The following TRAK1 variants were observed in gnomAD, a reference collection of about 807,000 sequenced individuals.
TRAK1 encodes the protein trafficking kinesin-binding protein 1.
A neutral mutation model predicts 92.1 loss-of-function variants in TRAK1; 33 were observed. The observed-to-expected ratio is 0.36, with a 90% CI of 0.27 to 0.48. The LOEUF (loss-of-function observed/expected upper bound fraction) is 0.48. Among genes scored for constraint, TRAK1 ranks in the 20% least tolerant of loss-of-function variants. The pLI, the probability that TRAK1 is intolerant of heterozygous loss-of-function variation, is 0.99. For synonymous variants in TRAK1, 521 were observed against 517.3 expected (o/e 1.01, Z -0.10); for missense variants, 1,123 against 1,257.9 (o/e 0.89, Z 1.62).
At chr3:42,094,776 G>C (rs1705652763) in intron 1 of TRAK1, among the ~76,000 whole-genome samples, 1 of 152,234 alleles carries the variant, frequency 6.6e-6, no homozygotes, top group Admixed American at 6.5e-5. Flanking sequence ...ATATCGAAAT[G>C]TATTACAAGG....
chr3:42,210,805 A>G (rs1367139023), intron 14 of TRAK1: 1 of 985,376 alleles, frequency 1.0e-6, no homozygotes, highest in Non-Finnish European at 1.2e-6. Flanking sequence ...TCCAGAGAGA[A>G]GACCCTAGAT....
At chr3:42,164,969 C>A (rs950081209) in intron 2 of TRAK1, among the ~76,000 whole-genome samples, 10 of 152,028 alleles carry the variant, frequency 6.6e-5, no homozygotes, top group Admixed American at 2.0e-4. Flanking sequence ...TTCCAGTGTT[C>A]TTTTTCTTTT....
Position 42,057,317 on chromosome 3 carries a change from C to T in TRAK1, c.-518-29787C>T, listed in dbSNP as rs568205174. 1.3e-3 allele frequency among the ~76,000 whole-genome samples: 193 copies of T among 152,246 alleles called. 1 individual carries two copies. The highest frequency in any genetic ancestry group is 8.3e-4 in the South Asian group (4 of 4,824). On this transcript the variant is annotated intron_variant, in intron 1 of 16. Transcript: ENST00000487159. ...TCCACAAAGACTGACAGTAGGTTCACGGTCCTGCTTCTTGAATGAAGGAAG... is the reference window on the plus strand; with the variant it reads ...TCCACAAAGACTGACAGTAGGTTCATGGTCCTGCTTCTTGAATGAAGGAAG...
At chr3:42,120,329 T>G (rs1197172027) in intron 1 of TRAK1, among the ~76,000 whole-genome samples, 1 of 152,084 alleles carries the variant, frequency 6.6e-6, no homozygotes, top group African/African-American at 2.4e-5. Context: ...GAGAACACAT[T>G]TTGACTTGTT....
At chr3:42,068,548 C>T (rs983881101) in intron 1 of TRAK1, among the ~76,000 whole-genome samples, 1 of 152,194 alleles carries the variant, frequency 6.6e-6, no homozygotes, top group Non-Finnish European at 1.5e-5. Flanking sequence ...GTTCATTTTG[C>T]ACTCTTTGAG....
upstream of TRAK1, among the ~76,000 whole-genome samples, chr3:42,088,325 G>T (rs570824563): frequency 4.6e-5 from 7 of 152,210 alleles, no homozygotes; most frequent in South Asian, 1.5e-3. Flanking sequence ...GTGCCTAGCT[G>T]CTGTGCTAGG....
intron 1 of TRAK1, among the ~76,000 whole-genome samples, chr3:42,080,833 A>G (rs1704397014): frequency 6.6e-6 from 1 of 152,116 alleles, no homozygotes; most frequent in Non-Finnish European, 1.5e-5. Context: ...AGGTCTCCTG[A>G]TCCTTGAATT....
At chr3:42,023,997 C>T (rs1391392668) in intron 1 of TRAK1, among the ~76,000 whole-genome samples, 1 of 151,984 alleles carries the variant, frequency 6.6e-6, no homozygotes, top group African/African-American at 2.4e-5. Context: ...TCAGGTGATT[C>T]GCCCTCCTTG....
intron 2 of TRAK1, among the ~76,000 whole-genome samples, chr3:42,128,976 A>C (rs1486802993): frequency 6.6e-6 from 1 of 152,214 alleles, no homozygotes; most frequent in Non-Finnish European, 1.5e-5. Flanking sequence ...ATCAGATATC[A>C]CAGCCTTTTT....
intron 1 of TRAK1, among the ~76,000 whole-genome samples, chr3:42,057,995 A>G (rs1328346476): frequency 6.6e-6 from 1 of 152,046 alleles, no homozygotes; most frequent in East Asian, 1.9e-4. Context: ...CTCAAATATC[A>G]TTTCCTCCTT....
At chr3:42,144,277 AAG>A (rs1454848721) in intron 2 of TRAK1, among the ~76,000 whole-genome samples, 1 of 152,118 alleles carries the variant, frequency 6.6e-6, no homozygotes, top group Admixed American at 6.5e-5. Flanking sequence ...TAAAAAAAAA[AAG>A]AAAGATTAGA....
intron 1 of TRAK1, among the ~76,000 whole-genome samples, chr3:42,059,590 A>G (rs1178509493): frequency 1.3e-5 from 2 of 152,172 alleles, no homozygotes; most frequent in East Asian, 1.9e-4. Context: ...TCCTACAAGA[A>G]TATACGTGAC....
upstream of TRAK1, among the ~76,000 whole-genome samples, chr3:42,088,568 C>T (rs115803062): frequency 4.3e-4 from 66 of 152,352 alleles, no homozygotes; most frequent in African/African-American, 1.5e-3. Context: ...GTGTTTCCCG[C>T]AGGCCAGTGT....
In TRAK1 at chr3:42,202,451, T is replaced by C; in HGVS notation, c.1443T>C (p.Ser481=). ...CTTCTTCCAGAAACGATGAGCGGAG[T>C]AAGAAGCCGGGGACGCCGGGCACCC... ...EAADLGNDER[S]KKPGTPGTPG... is the part of the protein sequence containing the mutation. The change falls in exon 13 of 16, where the codon AGT becomes AGC. Residue 481 remains serine (S), a synonymous_variant. Coordinates refer to ENST00000327628, the MANE Select transcript of TRAK1 (RefSeq NM_001042646.3). The surrounding 1 kb of genome is among the most constrained non-coding windows in gnomAD (Gnocchi z 6.1). 6.8e-7 allele frequency: 1 copy of C among 1,478,010 alleles called. No homozygotes were observed. Among genetic ancestry groups the C allele is most frequent in the East Asian group, 2.3e-5 (1 of 42,668 alleles). The allele number at this position is 1,478,010 out of a possible 1,614,324, so 91.6% of individuals were successfully genotyped here.
At chr3:42,218,505 G>A in intron 14 of TRAK1, 2 of 984,768 alleles carry the variant, frequency 2.0e-6, no homozygotes, top group East Asian at 2.3e-4. Flanking sequence ...ATTTCGGGCA[G>A]CATCTTTTTT....
Position 42,223,358 on chromosome 3 carries a change from G to A in TRAK1, c.2483G>A (p.Arg828His), listed in dbSNP as rs867461946. The A allele has an allele frequency of 3.7e-6, 6 of 1,614,098 alleles. No individual in the cohort carries two copies. The highest frequency in any genetic ancestry group is 2.7e-5 in the African/African-American group (2 of 74,954). ...AGGGAAGTGAGAGAAAAGAACGTCC[G>A]CAGCAGCGAGAGCCAGACCGACGTG... The part of the protein sequence containing the change: ...ILREVREKNV[R>H]SSESQTDVSV... The change falls in exon 16 of 16, where the codon CGC becomes CAC. Residue 828 changes from arginine to histidine, a missense_variant. This residue lies in a region of TRAK1 where 401 missense variants were observed against 438.9 expected (regional missense o/e 0.91). Coordinates refer to ENST00000327628, the MANE Select transcript of TRAK1 (RefSeq NM_001042646.3). This position sits in a 1 kb window ranked among gnomAD's most constrained non-coding sequence, Gnocchi z 6.1.
intron 1 of TRAK1, among the ~76,000 whole-genome samples, chr3:42,053,375 T>TGGGGGGGGGGG (rs760432112): frequency 2.0e-5 from 1 of 50,678 alleles, no homozygotes. Context: ...CAGAGTCGGG[T>TGGGGGGGGGGG]GGGGGGGGGG....
intron 1 of TRAK1, among the ~76,000 whole-genome samples, chr3:42,015,618 G>C (rs1701492378): frequency 6.6e-6 from 1 of 152,182 alleles, no homozygotes; most frequent in Non-Finnish European, 1.5e-5. Flanking sequence ...AGCGTTTTCA[G>C]GTCTCCTTCC....
At chr3:42,192,029 G>A (rs1163352511) in intron 7 of TRAK1, among the ~76,000 whole-genome samples, 1 of 148,930 alleles carries the variant, frequency 6.7e-6, no homozygotes, top group Non-Finnish European at 1.5e-5. Context: ...AGCCTCTCAA[G>A]TAGCTAGGAT....
Sources: allele counts gnomAD v4.1 joint callset (sites outside exome capture counted in the v4.1 genomes callset), GRCh38; gene constraint gnomAD v4.1.1; regional missense constraint gnomAD v4.1.1; non-coding constraint Gnocchi (gnomAD v3.1); transcripts MANE v1.5; gene names NCBI Gene and HGNC (gene_info 2026-07-23, HGNC 2026-07-21).